Variants in MORC2 observed in about 807,000 individuals in gnomAD.
MORC2 encodes ATPase MORC2.
In MORC2, 30 loss-of-function variants were observed where a neutral mutation model predicts 136.0. That is an observed-to-expected ratio of 0.22 (90% confidence interval 0.17 to 0.30). The LOEUF is 0.30. Ranked by LOEUF, MORC2 falls within the 10% of genes least tolerant of loss-of-function variation. MORC2 has a pLI of 1.00. For missense variants in MORC2, 922 were observed against 1,333.1 expected, an observed-to-expected ratio of 0.69 and a Z score of 4.80; for synonymous variants, 439 against 487.0, an observed-to-expected ratio of 0.90 and a Z score of 1.30.
chr22:30,938,212 A>ACAGC lies in MORC2; in HGVS notation c.1074-8_1074-7insGCTG. 1.9e-6 allele frequency: 3 copies of ACAGC among 1,609,280 alleles called. No individual in the cohort carries two copies. Among genetic ancestry groups the ACAGC allele is most frequent in the South Asian group, 1.1e-5 (1 of 90,630 alleles). Reference sequence around the variant, plus strand: ...CTTAGGTTCTTTAAGTGCTCTAAGAAGACAAAAAAACTCAAGCAGATCTAC... The same window carrying ACAGC: ...CTTAGGTTCTTTAAGTGCTCTAAGAACAGCGACAAAAAAACTCAAGCAGATCTAC... On this transcript the variant is annotated splice_polypyrimidine_tract_variant and splice_region_variant and intron_variant, in intron 12 of 25. Transcript: ENST00000397641.
intron 10 of MORC2, 78 bp from the exon 11 acceptor site, chr22:30,940,119 G>A (rs1235670973): frequency 3.5e-6 from 5 of 1,410,082 alleles, no homozygotes; most frequent in African/African-American, 1.4e-5. Context: ...CCACAGTACT[G>A]GACACGAAGT....
intron 1 of MORC2, chr22:30,966,975 A>T: frequency 2.2e-6 from 1 of 449,386 alleles, no homozygotes; most frequent in Non-Finnish European, 2.9e-6. Flanking sequence ...GGAAGTCTAT[A>T]CTCTCGACTC....
intron 11 of MORC2, 41 bp from the exon 12 acceptor site, chr22:30,939,747 G>A (rs1226726731): frequency 1.9e-6 from 3 of 1,572,710 alleles, no homozygotes; most frequent in African/African-American, 1.4e-5. Context: ...TGGCACTCTA[G>A]GCCACAGCAG....
chr22:30,932,556 G>A lies in MORC2; in HGVS notation c.2736C>T (p.Val912=), dbSNP rs773604531. The A allele has an allele frequency of 1.9e-6, 3 of 1,614,146 alleles. No individual in the cohort carries two copies. The highest frequency in any genetic ancestry group is 1.1e-5 in the South Asian group (1 of 91,072). Residue 912 remains valine (V), a synonymous_variant, in exon 23 of 26, where the codon GTC becomes GTT. Coordinates refer to ENST00000397641, the MANE Select transcript of MORC2 (RefSeq NM_001303256.3). The surrounding 1 kb of genome is among the most constrained non-coding windows in gnomAD (Gnocchi z 4.4). ...AAAGACACATGTACCGGAGGATCTG[G>A]ACAAGCAGGTCGATGGTCTCGTGAT... is the stretch of plus-strand genomic sequence containing the variant. ...STNHETIDLL[V]QILRNCLRYF... is the part of the protein sequence containing the mutation.
chr22:30,956,903 G>A, intron 2 of MORC2, 106 bp from the exon 3 acceptor site: 1 of 892,146 alleles, frequency 1.1e-6, no homozygotes, highest in Non-Finnish European at 1.7e-6. Flanking sequence ...CTGTTTTCAG[G>A]AAGCCATACA....
chr22:30,955,265 G>A (rs1054007874), intron 3 of MORC2, among the ~76,000 whole-genome samples: 1 of 152,052 alleles, frequency 6.6e-6, no homozygotes, highest in African/African-American at 2.4e-5. Flanking sequence ...GCCTTGGCCT[G>A]AGCATTTAGT....
intron 2 of MORC2, 68 bp downstream of exon 2, chr22:30,958,573 A>G (rs559544202): frequency 1.8e-4 from 232 of 1,304,322 alleles, no homozygotes; most frequent in Non-Finnish European, 2.3e-4. Context: ...GTCTTCAGAG[A>G]GCAAAGGTCA....
At chr22:30,957,121 T>G (rs1569202456) in intron 2 of MORC2, among the ~76,000 whole-genome samples, 1 of 152,228 alleles carries the variant, frequency 6.6e-6, no homozygotes, top group Non-Finnish European at 1.5e-5. Flanking sequence ...TAAGAAATGA[T>G]TCAAATATGT....
chr22:30,929,321 T>C (rs1405198534), intron 24 of MORC2, among the ~76,000 whole-genome samples: 1 of 152,236 alleles, frequency 6.6e-6, no homozygotes, highest in Non-Finnish European at 1.5e-5. Flanking sequence ...ATTAGTTTTT[T>C]TGAAAAAATG....
In MORC2 at chr22:30,932,568, G is replaced by T; in HGVS notation, c.2724C>A (p.Ile908=). The change falls in exon 23 of 26, where the codon ATC becomes ATA. Residue 908 remains isoleucine (I), a synonymous_variant. Coordinates refer to ENST00000397641, the MANE Select transcript of MORC2 (RefSeq NM_001303256.3). The surrounding 1 kb of genome is among the most constrained non-coding windows in gnomAD (Gnocchi z 4.4). ...TTALSTNHET[I]DLLVQILRNC... is the part of the protein sequence containing the mutation. Reference sequence around the variant, plus strand: ...ACCGGAGGATCTGGACAAGCAGGTCGATGGTCTCGTGATTGGTGCTCAGGG... The same window carrying T: ...ACCGGAGGATCTGGACAAGCAGGTCTATGGTCTCGTGATTGGTGCTCAGGG... The T allele has an allele frequency of 6.2e-7, 1 of 1,614,154 alleles. No individual in the cohort carries two copies. Among genetic ancestry groups the T allele is most frequent in the Non-Finnish European group, 8.5e-7 (1 of 1,180,036 alleles).
In MORC2 at chr22:30,935,314, T is replaced by C; in HGVS notation, c.1746A>G (p.Thr582=). 2 of 1,613,606 alleles carry C rather than the reference T, an allele frequency of 1.2e-6. No individual in the cohort carries two copies. The highest frequency in any genetic ancestry group is 8.5e-7 in the Non-Finnish European group (1 of 1,179,822). The change falls in exon 18 of 26, where the codon ACA becomes ACG. Residue 582 remains threonine (T), a synonymous_variant. Coordinates refer to ENST00000397641, the MANE Select transcript of MORC2 (RefSeq NM_001303256.3). The part of the protein sequence containing the change: ...QEKLEALQKT[T]PIRSQADLKK... Reference sequence around the variant, plus strand: ...TCAGGTCTGCTTGGGAGCGGATGGGTGTGGTTTTCTGCAAGGCAAACATCA... The same window carrying C: ...TCAGGTCTGCTTGGGAGCGGATGGGCGTGGTTTTCTGCAAGGCAAACATCA...
intron 7 of MORC2, 34 bp from the exon 8 acceptor site, chr22:30,942,036 C>T (rs1273482189): frequency 1.2e-6 from 2 of 1,609,482 alleles, no homozygotes; most frequent in South Asian, 2.2e-5. Context: ...CTGCCAGATC[C>T]CCCGGCCCAC....
chr22:30,936,956 A>G lies in MORC2; in HGVS notation c.1580T>C (p.Met527Thr), dbSNP rs944979254. ...CCGGTCCTGTTCAGGATCAGGGTTC[A>G]TGGAGCAAACCCAGGTGTCAGGGTA... ...KDYPDTWVCS[M>T]NPDPEQDRCE... The change falls in exon 16 of 26, where the codon ATG becomes ACG. Residue 527 changes from methionine (M) to threonine (T), a missense_variant. Met to Thr is a moderately conservative substitution (Grantham distance 81, BLOSUM62 -1). This residue lies in a region of MORC2 where 119 missense variants were observed against 202.7 expected (regional missense o/e 0.59). Transcript: ENST00000397641. The G allele has an allele frequency of 6.2e-7, 1 of 1,614,082 alleles. No homozygotes were observed. Among genetic ancestry groups the G allele is most frequent in the Non-Finnish European group, 8.5e-7 (1 of 1,179,930 alleles).
At chr22:30,940,890 C>T (rs1160775959) in intron 9 of MORC2, 53 bp from the exon 10 acceptor site, 2 of 1,447,702 alleles carry the variant, frequency 1.4e-6, no homozygotes, top group Non-Finnish European at 1.9e-6. Flanking sequence ...GGGCAGGTGG[C>T]ACACCCAAGC....
intron 2 of MORC2, among the ~76,000 whole-genome samples, chr22:30,957,876 A>G (rs1399760812): frequency 6.6e-6 from 1 of 152,254 alleles, no homozygotes; most frequent in Non-Finnish European, 1.5e-5. Flanking sequence ...ATCAGCGAGC[A>G]CATTAACTGG....
At chr22:30,946,535 G>A in intron 5 of MORC2, 86 bp from the exon 6 acceptor site, 1 of 1,218,708 alleles carries the variant, frequency 8.2e-7, no homozygotes, top group Non-Finnish European at 1.2e-6. Flanking sequence ...GGACATGATT[G>A]AAAGTGCCAC....
intron 1 of MORC2, among the ~76,000 whole-genome samples, chr22:30,965,915 A>T (rs199698090): frequency 6.6e-6 from 1 of 152,384 alleles, no homozygotes; most frequent in Admixed American, 6.5e-5. Context: ...CCTAATGGTT[A>T]AAAGCACCAA....
Position 30,941,707 on chromosome 22 carries a change from C to A in MORC2, c.699-149G>T. 7.9e-7 allele frequency: 1 copy of A among 1,270,886 alleles called. No individual in the cohort carries two copies. The highest frequency in any genetic ancestry group is 1.1e-6 in the Non-Finnish European group (1 of 925,736). 78.7% of individuals were successfully genotyped at this position (1,270,886 alleles called of 1,614,324 possible). On this transcript the variant is annotated intron_variant, in intron 8 of 25. Transcript: ENST00000397641. The surrounding 1 kb of genome is among the most constrained non-coding windows in gnomAD (Gnocchi z 4.6). ...TGAACTGGTGCTCCCTTAGTGTGAG[C>A]ACCACATCCCGCCCCTCTCACGTCC...
At chr22:30,961,790 T>C (rs1304692330) in intron 1 of MORC2, among the ~76,000 whole-genome samples, 1 of 152,138 alleles carries the variant, frequency 6.6e-6, no homozygotes, top group African/African-American at 2.4e-5. Context: ...AAACAGAAAT[T>C]TCAACTGCTT....
Sources: allele counts gnomAD v4.1 joint callset (sites outside exome capture counted in the v4.1 genomes callset), GRCh38; gene constraint gnomAD v4.1.1; regional missense constraint gnomAD v4.1.1; non-coding constraint Gnocchi (gnomAD v3.1); transcripts MANE v1.5; gene names NCBI Gene and HGNC (gene_info 2026-07-23, HGNC 2026-07-21).